The following GABRR1 variants were observed in gnomAD, a reference collection of about 807,000 sequenced individuals.
GABRR1 encodes gamma-aminobutyric acid receptor subunit rho-1.
Under a neutral mutation model 55.5 loss-of-function variants are expected in GABRR1, and 59 were observed. That is an observed-to-expected ratio of 1.06 (90% CI 0.86 to 1.32). The LOEUF (loss-of-function observed/expected upper bound fraction) is 1.32. Ranked by LOEUF, GABRR1 falls within the 40% of genes most tolerant of loss-of-function variation. The probability of loss-of-function intolerance (pLI) is 0.00; values close to 1 mark genes in which losing one functional copy is unlikely to be tolerated. For synonymous variants in GABRR1, 213 were observed against 226.0 expected (o/e 0.94, Z 0.51); for missense variants, 602 against 619.1 (o/e 0.97, Z 0.29).
chr6:89,198,315 T>C, intron 4 of GABRR1, 72 bp from the exon 5 acceptor site: 3 of 1,108,872 alleles, frequency 2.7e-6, no homozygotes, highest in Non-Finnish European at 4.1e-6. Context: ...CTGTAGCCCC[T>C]GTGGAGCCAT....
At chr6:89,217,766 C>T (rs1418615320), upstream of GABRR1, 1 of 154,856 alleles carries the variant, frequency 6.5e-6, no homozygotes, top group East Asian at 1.9e-4. Flanking sequence ...TTTAAGCTTA[C>T]GGCCATTATT....
At chr6:89,196,881 G>GAA (rs57085890) in intron 5 of GABRR1, among the ~76,000 whole-genome samples, 7,398 of 94,834 alleles carry the variant, frequency 0.078, 345 homozygotes, top group Middle Eastern at 0.1. Context: ...GAAAGAAAGA[G>GAA]AAGAGAAGAA....
chr6:89,184,671 T>A (rs1162185237), intron 7 of GABRR1, among the ~76,000 whole-genome samples: 3 of 152,174 alleles, frequency 2.0e-5, no homozygotes, highest in Admixed American at 2.0e-4. Flanking sequence ...AGGAGGGGAC[T>A]CGGATCAGCG....
intron 1 of GABRR1, among the ~76,000 whole-genome samples, chr6:89,207,077 G>A (rs1772672270): frequency 6.6e-6 from 1 of 152,192 alleles, no homozygotes; most frequent in Non-Finnish European, 1.5e-5. Flanking sequence ...GTCTAAATTA[G>A]ACTCAAGAGA....
intron 1 of GABRR1, among the ~76,000 whole-genome samples, chr6:89,210,343 GCCA>G (rs1240214052): frequency 2.6e-5 from 4 of 151,784 alleles, no homozygotes; most frequent in Non-Finnish European, 1.5e-5. Context: ...ACAGGTGTGT[GCCA>G]CCACACCTGG....
chr6:89,216,138 T>C (rs989610094), intron 1 of GABRR1, among the ~76,000 whole-genome samples: 4 of 152,174 alleles, frequency 2.6e-5, no homozygotes, highest in African/African-American at 9.6e-5. Context: ...GCTCCTAGTT[T>C]TGTGATGTTG....
intron 8 of GABRR1, among the ~76,000 whole-genome samples, chr6:89,181,006 A>T (rs1019268778): frequency 6.6e-6 from 1 of 152,358 alleles, no homozygotes; most frequent in East Asian, 1.9e-4. Context: ...CCCATTCAGC[A>T]TTGTCCACTT....
intron 1 of GABRR1, among the ~76,000 whole-genome samples, 174 bp downstream of exon 1, chr6:89,217,027 G>A (rs12192596): frequency 0.36 from 55,122 of 151,976 alleles, 10,620 homozygotes; most frequent in African/African-American, 0.47. Flanking sequence ...AAAAGAAAAC[G>A]TAATTCTAAC....
rs1772463352 is a variant in GABRR1, at chr6:89,201,275, G to A, written c.174-10C>T. 4 of 1,591,104 alleles carry A rather than the reference G, an allele frequency of 2.5e-6. No homozygotes were observed. Among genetic ancestry groups the A allele is most frequent in the African/African-American group, 2.7e-5 (2 of 74,556 alleles). ...TCGTCTCAGAATTGGGCTGCCAAGG[G>A]GGAAGAAACCAGGCTGATCATATAT... On this transcript the variant is annotated splice_polypyrimidine_tract_variant and intron_variant, in intron 2 of 9. Coordinates refer to ENST00000454853, the MANE Select transcript of GABRR1 (RefSeq NM_002042.5).
chr6:89,211,535 T>C (rs960244972), intron 1 of GABRR1, among the ~76,000 whole-genome samples: 1 of 152,124 alleles, frequency 6.6e-6, no homozygotes, highest in Admixed American at 6.6e-5. Flanking sequence ...AAAACTACCA[T>C]ATCTAGGGCT....
chr6:89,191,996 C>T (rs1194456015), intron 5 of GABRR1, among the ~76,000 whole-genome samples: 2 of 151,120 alleles, frequency 1.3e-5, no homozygotes, highest in Non-Finnish European at 2.9e-5. Context: ...GAGCCGAGAT[C>T]GCATCACTGC....
At chr6:89,208,340 G>T (rs1167991741) in intron 1 of GABRR1, among the ~76,000 whole-genome samples, 5 of 152,158 alleles carry the variant, frequency 3.3e-5, no homozygotes, top group East Asian at 1.9e-4. Context: ...CATTTCCTTT[G>T]ATTCCTTCCT....
intron 2 of GABRR1, among the ~76,000 whole-genome samples, chr6:89,201,778 C>CAA: frequency 7.4e-6 from 1 of 134,440 alleles, no homozygotes; most frequent in African/African-American, 2.8e-5. Flanking sequence ...GACCCCGTCT[C>CAA]AAAAAAAAAA....
intron 9 of GABRR1, 119 bp downstream of exon 9, chr6:89,180,173 G>A: frequency 1.9e-6 from 2 of 1,038,388 alleles, no homozygotes; most frequent in Non-Finnish European, 2.7e-6. Flanking sequence ...ACCCTGTGAA[G>A]TAGGCACAGG....
chr6:89,223,336 A>G (rs1158854805), intron 1 of GABRR1, among the ~76,000 whole-genome samples: 1 of 152,218 alleles, frequency 6.6e-6, no homozygotes, highest in African/African-American at 2.4e-5. Flanking sequence ...CACTTAGAGT[A>G]ATATTCTCCA....
At position 89,180,419 on chromosome 6, in the gene GABRR1, T is replaced by C. The variant is rs754011759; in HGVS notation, c.1019A>G (p.Tyr340Cys). 6.2e-7 allele frequency: 1 copy of C among 1,613,782 alleles called. No homozygotes were observed. The highest frequency in any genetic ancestry group is 8.5e-7 in the Non-Finnish European group (1 of 1,179,860). Residue 340 changes from tyrosine (Y) to cysteine (C), a missense_variant, in exon 9 of 10, where the codon TAC becomes TGC. By Grantham distance (194) the Tyr-to-Cys change is radical. Transcript: ENST00000454853. The part of the protein sequence containing the change: ...GVNASMPRVS[Y>C]IKAVDIYLWV... ...GAGGTAGATGTCCACGGCCTTGATG[T>C]AGGAGACGCGCGGCATGGAGGCATT... is the stretch of plus-strand genomic sequence containing the variant.
intron 7 of GABRR1, among the ~76,000 whole-genome samples, chr6:89,184,705 C>T (rs1038573391): frequency 2.6e-5 from 4 of 152,132 alleles, no homozygotes; most frequent in African/African-American, 9.7e-5. Context: ...ATGCCAGTTA[C>T]TAAGCTGGCA....
Position 89,201,219 on chromosome 6 carries a change from T to C in GABRR1, c.220A>G (p.Lys74Glu). The change falls in exon 3 of 10, where the codon AAG becomes GAG. Residue 74 changes from lysine to glutamate, a missense_variant. Transcript: ENST00000454853. Reference sequence around the variant, plus strand: ...TCTATCCTCAGAAGCTGTTCTGACTTTGTCAGAGGCGATTTGGTGATGTCA... The same window carrying C: ...TCTATCCTCAGAAGCTGTTCTGACTCTGTCAGAGGCGATTTGGTGATGTCA... ...SPDITKSPLT[K>E]SEQLLRIDDH... 1 of 1,614,146 alleles carries C rather than the reference T, an allele frequency of 6.2e-7. No homozygotes were observed. The highest frequency in any genetic ancestry group is 8.5e-7 in the Non-Finnish European group (1 of 1,179,992).
intron 3 of GABRR1, 109 bp downstream of exon 3, chr6:89,201,050 G>A (rs2127800124): frequency 2.6e-6 from 2 of 773,370 alleles, no homozygotes; most frequent in Middle Eastern, 3.8e-4. Context: ...GCACAACTGA[G>A]GCAGACCGGG....
Sources: gnomAD v4.1 joint callset for allele counts (sites outside exome capture counted in the v4.1 genomes callset) on GRCh38, gnomAD v4.1.1 for gene constraint, MANE v1.5 for transcripts, NCBI Gene and HGNC (gene_info 2026-07-23, HGNC 2026-07-21) for gene names.